The following USH2A variants were observed in gnomAD, a reference collection of about 807,000 sequenced individuals.
The protein encoded by USH2A is Usher syndrome 2A (autosomal recessive, mild).
In USH2A, 443 loss-of-function variants were observed where a neutral mutation model predicts 538.9. The observed-to-expected ratio is 0.82, with a 90% confidence interval of 0.76 to 0.89. The LOEUF is 0.89. Ranked by LOEUF, USH2A falls within the 40% of genes least tolerant of loss-of-function variation. USH2A has a pLI of 0.00. For synonymous variants in USH2A, 2,413 were observed against 2,273.5 expected (o/e 1.06, Z -1.75); for missense variants, 6,633 against 6,324.8 (o/e 1.05, Z -1.65).
chr1:215,782,701 G>A (rs1187062803), intron 53 of USH2A, 37 bp downstream of exon 53: 1 of 1,601,516 alleles, frequency 6.2e-7, no homozygotes, highest in South Asian at 1.1e-5. Flanking sequence ...TGAATTTATG[G>A]GATTTTGTTA....
chr1:216,190,085 T>C (rs530353913), intron 20 of USH2A, 138 bp downstream of exon 20: 5 of 1,244,890 alleles, frequency 4.0e-6, no homozygotes, highest in South Asian at 2.6e-5. Flanking sequence ...TGTTTAAAAC[T>C]GTTGAGGTAA....
At chr1:216,184,933 G>T (rs532725227) in intron 20 of USH2A, among the ~76,000 whole-genome samples, 114 of 152,096 alleles carry the variant, frequency 7.5e-4, no homozygotes, top group African/African-American at 2.7e-3. Context: ...TAGTATGGAG[G>T]TCAATTTATG....
chr1:216,086,635 A>G lies in USH2A; in HGVS notation c.4987+84T>C, dbSNP rs969868581. Reference sequence around the variant, plus strand: ...AAAATATAGCATGAGGTAGAACATAATACTTATTCTTACTTTAAAATAATG... The same window carrying G: ...AAAATATAGCATGAGGTAGAACATAGTACTTATTCTTACTTTAAAATAATG... On this transcript the variant is annotated intron_variant, in intron 24 of 71. Transcript: ENST00000307340. 3.5e-6 allele frequency: 4 copies of G among 1,152,916 alleles called. No homozygotes were observed. In the African/African-American group the frequency reaches 6.1e-5, roughly 18 times the overall value. 71.4% of individuals were successfully genotyped at this position (1,152,916 alleles called of 1,614,324 possible). A position where few individuals can be genotyped will look rare whatever the true frequency, so the allele number is the denominator to read the frequency against.
intron 4 of USH2A, among the ~76,000 whole-genome samples, chr1:216,328,584 GT>G (rs944113925): frequency 6.6e-6 from 1 of 151,868 alleles, no homozygotes; most frequent in African/African-American, 2.4e-5. Flanking sequence ...TAACTATTCA[GT>G]TTTCACTCTG....
intron 55 of USH2A, among the ~76,000 whole-genome samples, chr1:215,770,104 A>G (rs1007777542): frequency 1.3e-5 from 2 of 152,162 alleles, no homozygotes; most frequent in African/African-American, 2.4e-5. Flanking sequence ...TTTTATAACA[A>G]AACTCACATT....
rs74581903 is a variant in USH2A, at chr1:215,910,242, C to T, written c.7301-9337G>A. On this transcript the variant is annotated intron_variant, in intron 38 of 71. Coordinates refer to ENST00000307340, the MANE Select transcript of USH2A (RefSeq NM_206933.4). The stretch of plus-strand genomic sequence containing the variant: ...CACTCTCCTTTATGTTCAATTAGCA[C>T]TTTTTACATTTTTAACTTAATTAGC... Among the ~76,000 whole-genome samples, 606 of 152,036 alleles carry T rather than the reference C, an allele frequency of 4.0e-3. 5 individuals carry two copies. Among genetic ancestry groups the T allele is most frequent in the African/African-American group, 0.014 (582 of 41,502 alleles).
intron 70 of USH2A, among the ~76,000 whole-genome samples, chr1:215,631,416 A>G (rs1017924634): frequency 2.6e-4 from 40 of 152,278 alleles, no homozygotes; most frequent in African/African-American, 9.4e-4. Flanking sequence ...CAGGGACTTC[A>G]TTTTGCTCTA....
At chr1:216,195,055 G>A (rs2034808141) in intron 19 of USH2A, among the ~76,000 whole-genome samples, 1 of 152,124 alleles carries the variant, frequency 6.6e-6, no homozygotes, top group African/African-American at 2.4e-5. Flanking sequence ...TATACCATTT[G>A]CTAAATGGCC....
intron 49 of USH2A, among the ~76,000 whole-genome samples, chr1:215,803,005 C>T (rs143134582): frequency 1.1e-3 from 166 of 152,238 alleles, no homozygotes; most frequent in African/African-American, 4.0e-3. Flanking sequence ...CATAATCCAG[C>T]ATATAAACAG....
chr1:216,198,440 G>A lies in USH2A; in HGVS notation c.3956C>T (p.Pro1319Leu). Residue 1319 changes from proline to leucine, a missense_variant, in exon 18 of 72, where the codon CCT becomes CTT. Transcript: ENST00000307340. ...AGTGATGGTTGTCATTGTTTGAGGA[G>A]GTTTTAATGCATTTTCATTGGCCGA... Reference protein sequence around the residue: ...VESANENALKPPQTMTTITGL... With the variant: ...VESANENALKLPQTMTTITGL... 2 of 1,613,986 alleles carry A rather than the reference G, an allele frequency of 1.2e-6. No homozygotes were observed. Among genetic ancestry groups the A allele is most frequent in the Non-Finnish European group, 8.5e-7 (1 of 1,179,960 alleles).
chr1:216,149,099 G>A (rs1355517165), intron 21 of USH2A, among the ~76,000 whole-genome samples: 1 of 152,020 alleles, frequency 6.6e-6, no homozygotes, highest in African/African-American at 2.4e-5. Context: ...AGCACGGTCA[G>A]AATTTTTACA....
intron 11 of USH2A, among the ~76,000 whole-genome samples, chr1:216,256,118 T>C (rs1398446086): frequency 6.6e-6 from 1 of 152,090 alleles, no homozygotes; most frequent in African/African-American, 2.4e-5. Flanking sequence ...TTAACCTAGT[T>C]GTGTCTTATA....
At chr1:215,835,088 CT>C (rs1663437803) in intron 47 of USH2A, among the ~76,000 whole-genome samples, 1 of 142,214 alleles carries the variant, frequency 7.0e-6, no homozygotes, top group Non-Finnish European at 1.5e-5. Context: ...TTTTCCTCAC[CT>C]GCATTATCTC....
chr1:216,175,370 T>C lies in USH2A; in HGVS notation c.4509A>G (p.Glu1503=). The part of the protein sequence containing the change: ...LNGPSPIYQL[E]RRESSLPALM... ...GAGCTGGTAGAGATGACTCTCTCCT[T>C]TCCAGCTGATATATAGGAGAGGGTC... is the stretch of plus-strand genomic sequence containing the variant. The change falls in exon 21 of 72, where the codon GAA becomes GAG. Residue 1503 remains glutamate (E), a synonymous_variant. Transcript: ENST00000307340. 1.2e-6 allele frequency: 2 copies of C among 1,613,818 alleles called. No individual in the cohort carries two copies. The highest frequency in any genetic ancestry group is 1.7e-6 in the Non-Finnish European group (2 of 1,179,854).
At chr1:215,967,748 CA>C (rs112172077) in intron 36 of USH2A, among the ~76,000 whole-genome samples, 1,536 of 143,844 alleles carry the variant, frequency 0.011, 32 homozygotes, top group African/African-American at 0.032. Context: ...TGCTTCTTTG[CA>C]AAAAAAAAAA....
At chr1:216,104,484 T>C (rs1466750715) in intron 21 of USH2A, among the ~76,000 whole-genome samples, 2 of 152,184 alleles carry the variant, frequency 1.3e-5, no homozygotes, top group East Asian at 3.9e-4. Context: ...CATAGACCAA[T>C]GGAACAGAAC....
chr1:215,698,958 T>C (rs952622462), intron 61 of USH2A, among the ~76,000 whole-genome samples: 9 of 152,196 alleles, frequency 5.9e-5, no homozygotes, highest in African/African-American at 2.2e-4. Context: ...TGGTTTTAGG[T>C]CTTATGTTTA....
chr1:216,286,364 C>G (rs1457074192), intron 11 of USH2A, among the ~76,000 whole-genome samples: 1 of 152,146 alleles, frequency 6.6e-6, no homozygotes, highest in African/African-American at 2.4e-5. Context: ...TAAGACATGC[C>G]TTTGCTTCTC....
At chr1:216,313,703 T>C (rs1243544300) in intron 9 of USH2A, among the ~76,000 whole-genome samples, 1 of 151,988 alleles carries the variant, frequency 6.6e-6, no homozygotes, top group Non-Finnish European at 1.5e-5. Flanking sequence ...TTATTGAGAG[T>C]CTGCTGGTGA....
Sources: gnomAD v4.1 joint callset for allele counts (sites outside exome capture counted in the v4.1 genomes callset) on GRCh38, gnomAD v4.1.1 for gene constraint, MANE v1.5 for transcripts, NCBI Gene and HGNC (gene_info 2026-07-23, HGNC 2026-07-21) for gene names.